The following SASH1 variants were observed in gnomAD, a reference collection of about 807,000 sequenced individuals.
The protein encoded by SASH1 is SAM and SH3 domain containing 1.
A neutral mutation model predicts 125.2 loss-of-function variants in SASH1; 44 were observed. The ratio of observed to expected loss-of-function variants is 0.35; its 90% CI spans 0.28 to 0.45. The LOEUF (loss-of-function observed/expected upper bound fraction) is 0.45. Ranked by LOEUF, SASH1 falls within the 20% of genes least tolerant of loss-of-function variation. The pLI, the probability that SASH1 is intolerant of heterozygous loss-of-function variation, is 1.00. For missense variants in SASH1, 1,426 were observed against 1,614.5 expected (o/e 0.88, Z 2.00); for synonymous variants, 639 against 649.1 (o/e 0.98, Z 0.24).
At chr6:148,208,737 A>G in the SASH1 span, among the ~76,000 whole-genome samples, 2 of 152,288 alleles carry the variant, frequency 1.3e-5, no homozygotes, top group African/African-American at 4.8e-5. Context: ...ATGCCTTTCT[A>G]TATAAATCAA....
At chr6:148,399,962 C>A (rs974791597) in intron 2 of SASH1, among the ~76,000 whole-genome samples, 1 of 152,172 alleles carries the variant, frequency 6.6e-6, no homozygotes, top group African/African-American at 2.4e-5. Context: ...CAATTATATA[C>A]ATTTTTAACA....
intron 8 of SASH1, among the ~76,000 whole-genome samples, chr6:148,496,002 AT>A (rs552373682): frequency 0.34 from 48,390 of 142,312 alleles, 7,676 homozygotes; most frequent in Middle Eastern, 0.39. Context: ...CGCCTGGCTA[AT>A]TTTTTTTTTT....
the SASH1 span, among the ~76,000 whole-genome samples, chr6:148,225,159 C>T: frequency 3.7e-3 from 562 of 152,282 alleles, 3 homozygotes; most frequent in African/African-American, 0.013. Flanking sequence ...CTATTGTTAA[C>T]GCAACTCCAT....
chr6:148,507,229 C>T (rs1394623285), intron 8 of SASH1, among the ~76,000 whole-genome samples: 1 of 152,060 alleles, frequency 6.6e-6, no homozygotes, highest in Non-Finnish European at 1.5e-5. Flanking sequence ...CGCCAGCCCG[C>T]CCAGGGAAGA....
At chr6:148,454,231 G>A (rs542755191) in intron 4 of SASH1, among the ~76,000 whole-genome samples, 1 of 152,180 alleles carries the variant, frequency 6.6e-6, no homozygotes, top group Non-Finnish European at 1.5e-5. Context: ...AGACCCAGCA[G>A]GAATGTGAGC....
At position 148,543,986 on chromosome 6, in the gene SASH1, C is replaced by T; in HGVS notation, c.2516C>T (p.Ser839Phe). 1 of 1,614,080 alleles carries T rather than the reference C, an allele frequency of 6.2e-7. No individual in the cohort carries two copies. Among genetic ancestry groups the T allele is most frequent in the Non-Finnish European group, 8.5e-7 (1 of 1,180,020 alleles). ...GTGGACACTTGGCCCCGATCCCATT[C>T]CCTGGATGACCTTCAAGTGGAGCCT... ...QTVDTWPRSH[S>F]LDDLQVEPGA... Residue 839 changes from serine to phenylalanine, a missense_variant, in exon 18 of 20, where the codon TCC becomes TTC. Physicochemically the swap from Ser to Phe is radical, Grantham distance 155. This residue lies in a region of SASH1 where 634 missense variants were observed against 694.4 expected (regional missense o/e 0.91). Transcript: ENST00000367467.
intron 1 of SASH1, among the ~76,000 whole-genome samples, chr6:148,351,650 C>CTTTTTTT (rs67177596): frequency 1.7e-5 from 2 of 116,028 alleles, no homozygotes; most frequent in African/African-American, 6.7e-5. Context: ...TTACTCACCG[C>CTTTTTTT]TTTTTTTTTT....
At chr6:148,208,538 G>T in the SASH1 span, among the ~76,000 whole-genome samples, 53,430 of 151,992 alleles carry the variant, frequency 0.35, 10,955 homozygotes, top group African/African-American at 0.57. Context: ...ATTTTTCTTT[G>T]CTTAGCAGCT....
chr6:148,409,849 G>A (rs755216406), intron 2 of SASH1, among the ~76,000 whole-genome samples: 6 of 151,960 alleles, frequency 3.9e-5, no homozygotes, highest in Non-Finnish European at 7.4e-5. Context: ...CAGGCAAATC[G>A]CTTGAACTGG....
chr6:148,545,234 A>G (rs1014624842), intron 18 of SASH1, among the ~76,000 whole-genome samples: 1 of 152,238 alleles, frequency 6.6e-6, no homozygotes, highest in Non-Finnish European at 1.5e-5. Context: ...AAAAAATGAG[A>G]TCTACCAATA....
At chr6:148,494,684 G>A (rs1165761772) in intron 8 of SASH1, among the ~76,000 whole-genome samples, 1 of 152,130 alleles carries the variant, frequency 6.6e-6, no homozygotes, top group Non-Finnish European at 1.5e-5. Flanking sequence ...TGGGCTTGTG[G>A]CCTTATAACA....
chr6:148,517,716 C>T (rs772592023), intron 9 of SASH1, among the ~76,000 whole-genome samples: 2 of 152,222 alleles, frequency 1.3e-5, no homozygotes, highest in Non-Finnish European at 2.9e-5. Context: ...GAGCTACATT[C>T]GTCATGGACA....
intron 2 of SASH1, among the ~76,000 whole-genome samples, chr6:148,439,670 G>A (rs1238436920): frequency 6.6e-6 from 1 of 152,106 alleles, no homozygotes; most frequent in African/African-American, 2.4e-5. Context: ...CCAGCTACTT[G>A]GGAGGCTGAG....
At chr6:148,251,756 A>C in the SASH1 span, among the ~76,000 whole-genome samples, 2 of 151,876 alleles carry the variant, frequency 1.3e-5, no homozygotes, top group Non-Finnish European at 2.9e-5. Context: ...ATATGTATAC[A>C]TGTGCCATAC....
rs1164995538 is a variant in SASH1 at position 148,495,581 on chromosome 6, C to T, written c.729+7866C>T. On this transcript the variant is annotated intron_variant, in intron 8 of 19. Coordinates refer to ENST00000367467, the MANE Select transcript of SASH1 (RefSeq NM_015278.5). This position sits in a 1 kb window ranked among gnomAD's most constrained non-coding sequence, Gnocchi z 4.0. ...GCTTCATCATGTGGAAAAGTCTGACCGCAAAGATTTCTTTAATGGCAGCAT... is the reference window on the plus strand; with the variant it reads ...GCTTCATCATGTGGAAAAGTCTGACTGCAAAGATTTCTTTAATGGCAGCAT... 4.6e-5 allele frequency among the ~76,000 whole-genome samples: 7 copies of T among 151,918 alleles called. No individual in the cohort carries two copies. The highest frequency in any genetic ancestry group is 2.1e-4 in the South Asian group (1 of 4,816).
intron 1 of SASH1, among the ~76,000 whole-genome samples, chr6:148,353,902 G>C (rs1000209607): frequency 1.3e-5 from 2 of 152,108 alleles, no homozygotes; most frequent in African/African-American, 4.8e-5. Flanking sequence ...GTGTACAGTG[G>C]TTCACTCCTG....
intron 1 of SASH1, among the ~76,000 whole-genome samples, chr6:148,290,328 C>T (rs1001089215): frequency 1.8e-4 from 27 of 150,958 alleles, no homozygotes; most frequent in Non-Finnish European, 3.5e-4. Context: ...CGTTCTTGGC[C>T]GGGCGCGGTG....
chr6:148,195,718 C>G, the SASH1 span, among the ~76,000 whole-genome samples: 1 of 152,190 alleles, frequency 6.6e-6, no homozygotes, highest in African/African-American at 2.4e-5. Context: ...AACTCATTAG[C>G]CTCTCTTACG....
the SASH1 span, among the ~76,000 whole-genome samples, chr6:148,245,215 C>T: frequency 6.6e-4 from 100 of 152,178 alleles, 1 homozygote; most frequent in Non-Finnish European, 4.0e-4. Context: ...TCGACACAAA[C>T]ACGGTTCCCA....
Sources: allele counts gnomAD v4.1 joint callset (sites outside exome capture counted in the v4.1 genomes callset), GRCh38; gene constraint gnomAD v4.1.1; regional missense constraint gnomAD v4.1.1; non-coding constraint Gnocchi (gnomAD v3.1); transcripts MANE v1.5; gene names NCBI Gene and HGNC (gene_info 2026-07-23, HGNC 2026-07-21).